Variants in PDE4D observed in about 807,000 individuals in gnomAD.
The protein encoded by PDE4D is phosphodiesterase 4D.
Under a neutral mutation model 87.4 loss-of-function variants are expected in PDE4D, and 24 were observed. The observed-to-expected ratio is 0.27, with a 90% CI of 0.20 to 0.39. The LOEUF (loss-of-function observed/expected upper bound fraction) is 0.39, where lower values mean the gene tolerates loss of function less well. Ranked by LOEUF, PDE4D falls within the 10% of genes least tolerant of loss-of-function variation. The pLI, the probability that PDE4D is intolerant of heterozygous loss-of-function variation, is 1.00. For missense variants in PDE4D, 714 were observed against 1,041.0 expected (o/e 0.69, Z 4.32); for synonymous variants, 384 against 383.2 (o/e 1.00, Z -0.02).
chr5:59,290,091 T>C (rs27176), intron 1 of PDE4D, among the ~76,000 whole-genome samples: 49,974 of 151,796 alleles, frequency 0.33, 9,934 homozygotes, highest in East Asian at 0.69. Context: ...ACGTTCATAC[T>C]ACCCAAAGCA....
At chr5:60,189,046 C>A (rs1785006057) in intron 1 of PDE4D, among the ~76,000 whole-genome samples, 1 of 152,200 alleles carries the variant, frequency 6.6e-6, no homozygotes, top group South Asian at 2.1e-4. Context: ...GGTGAGACTG[C>A]AGAAAAGCTT....
chr5:59,467,720 G>A (rs971530281), intron 1 of PDE4D, among the ~76,000 whole-genome samples: 1 of 152,144 alleles, frequency 6.6e-6, no homozygotes, highest in Non-Finnish European at 1.5e-5. Flanking sequence ...TATTTTGTAT[G>A]TTATTTCATA....
chr5:59,619,141 C>A (rs1478950210), intron 1 of PDE4D, among the ~76,000 whole-genome samples: 1 of 151,940 alleles, frequency 6.6e-6, no homozygotes, highest in Non-Finnish European at 1.5e-5. Context: ...ATAAATAAAA[C>A]AATTCAAAAT....
At chr5:59,228,953 C>A (rs1754492819) in intron 1 of PDE4D, among the ~76,000 whole-genome samples, 2 of 152,032 alleles carry the variant, frequency 1.3e-5, no homozygotes, top group Non-Finnish European at 2.9e-5. Context: ...ATGAGATATT[C>A]CCATACTGGC....
At chr5:60,200,638 T>A (rs187089709) in intron 1 of PDE4D, among the ~76,000 whole-genome samples, 1 of 152,306 alleles carries the variant, frequency 6.6e-6, no homozygotes, top group East Asian at 1.9e-4. Context: ...AGACTTCCAG[T>A]ATAAGATAGA....
intron 1 of PDE4D, among the ~76,000 whole-genome samples, chr5:59,256,886 G>A (rs1561825112): frequency 6.6e-6 from 1 of 151,858 alleles, no homozygotes; most frequent in Non-Finnish European, 1.5e-5. Flanking sequence ...TATGGCATAC[G>A]AGTTATATCT....
chr5:59,922,446 T>C (rs1220689336), intron 3 of PDE4D, among the ~76,000 whole-genome samples: 2 of 152,106 alleles, frequency 1.3e-5, no homozygotes, highest in Non-Finnish European at 2.9e-5. Flanking sequence ...GTGAGACTCC[T>C]TCCCTCCACC....
chr5:58,981,164 C>T (rs1036171602), intron 11 of PDE4D, among the ~76,000 whole-genome samples: 26 of 152,128 alleles, frequency 1.7e-4, no homozygotes, highest in African/African-American at 5.8e-4. Context: ...AGTGTTTTAC[C>T]AGCTATCTGG....
At chr5:60,186,658 ATG>A (rs1784808034) in intron 1 of PDE4D, among the ~76,000 whole-genome samples, 1 of 152,152 alleles carries the variant, frequency 6.6e-6, no homozygotes, top group Admixed American at 6.5e-5. Context: ...TAACAGCAGC[ATG>A]TAGTTCTATC....
chr5:59,743,728 C>T (rs1009067887), intron 1 of PDE4D, among the ~76,000 whole-genome samples: 1 of 152,152 alleles, frequency 6.6e-6, no homozygotes, highest in Non-Finnish European at 1.5e-5. Flanking sequence ...TTTCTTCTCT[C>T]AAAAGCAGAC....
At chr5:59,880,507 A>T (rs538446948) in intron 1 of PDE4D, among the ~76,000 whole-genome samples, 2 of 152,236 alleles carry the variant, frequency 1.3e-5, no homozygotes, top group Non-Finnish European at 2.9e-5. Context: ...TGGTCGAATC[A>T]GTTAAAACAA....
At chr5:60,314,128 T>C (rs892261184) in intron 1 of PDE4D, among the ~76,000 whole-genome samples, 2 of 150,772 alleles carry the variant, frequency 1.3e-5, no homozygotes, top group Non-Finnish European at 3.0e-5. Context: ...GGCATCCAAA[T>C]AAGAACAGAG....
chr5:59,183,136 G>A lies in PDE4D; in HGVS notation c.758+2053C>T, dbSNP rs193018292. On this transcript the variant is annotated intron_variant, in intron 4 of 14. Coordinates refer to ENST00000340635, the MANE Select transcript of PDE4D (RefSeq NM_001104631.2). ...TCACTGAACAGAATCGAGTTTAGCC[G>A]TGAATAGATTGAATCCTACTATTCT... 3.0e-3 allele frequency among the ~76,000 whole-genome samples: 459 copies of A among 152,278 alleles called. 3 individuals are homozygous for A. The highest frequency in any genetic ancestry group is 8.6e-3 in the African/African-American group (356 of 41,552).
chr5:60,339,747 C>T (rs1354500145), intron 1 of PDE4D, among the ~76,000 whole-genome samples: 1 of 152,184 alleles, frequency 6.6e-6, no homozygotes, highest in Non-Finnish European at 1.5e-5. Context: ...ATCCTTCCAA[C>T]TCGACATGTG....
At chr5:59,309,555 G>T (rs1315168076) in intron 1 of PDE4D, among the ~76,000 whole-genome samples, 1 of 152,180 alleles carries the variant, frequency 6.6e-6, no homozygotes, top group Non-Finnish European at 1.5e-5. Flanking sequence ...GTGTGTTCAG[G>T]AGAGGAGGGT....
chr5:59,458,598 A>AAAT (rs1363679153), intron 1 of PDE4D, among the ~76,000 whole-genome samples: 1 of 152,226 alleles, frequency 6.6e-6, no homozygotes, highest in African/African-American at 2.4e-5. Flanking sequence ...GCATGTTAAA[A>AAAT]AATAACACAT....
intron 6 of PDE4D, among the ~76,000 whole-genome samples, chr5:59,012,422 G>A (rs533064831): frequency 2.0e-4 from 31 of 152,282 alleles, no homozygotes; most frequent in African/African-American, 7.5e-4. Context: ...CACATGCAGA[G>A]AGACACATAG....
intron 2 of PDE4D, among the ~76,000 whole-genome samples, chr5:60,106,692 G>T (rs890472518): frequency 6.6e-5 from 10 of 152,054 alleles, no homozygotes; most frequent in African/African-American, 2.2e-4. Context: ...CTGGAACTCA[G>T]GATTAAGAAA....
rs556984285 is a variant in PDE4D, at chr5:60,152,814, T to C, written c.42+32743A>G. Reference sequence around the variant, plus strand: ...TCAATCTTTGGAGGTTGTGTGTTTCTAGGAATTTATTTCTTCTGGGTTATC... The same window carrying C: ...TCAATCTTTGGAGGTTGTGTGTTTCCAGGAATTTATTTCTTCTGGGTTATC... On this transcript the variant is annotated intron_variant, in intron 2 of 16. Coordinates refer to the PDE4D transcript ENST00000502484. 7.2e-5 allele frequency among the ~76,000 whole-genome samples: 11 copies of C among 152,322 alleles called. 1 individual carries two copies. Among genetic ancestry groups the C allele is most frequent in the Admixed American group, 4.6e-4 (7 of 15,290 alleles).
Sources: gnomAD v4.1 joint callset for allele counts (sites outside exome capture counted in the v4.1 genomes callset) on GRCh38, gnomAD v4.1.1 for gene constraint, MANE v1.5 for transcripts, NCBI Gene and HGNC (gene_info 2026-07-23, HGNC 2026-07-21) for gene names.